ALK: variants seen among roughly 807,000 people sequenced by gnomAD.
ALK encodes the protein ALK receptor tyrosine kinase, also known as ALK tyrosine kinase receptor.
ALK carries 74 observed loss-of-function variants against 163.1 expected under a neutral mutation model. That is an observed-to-expected ratio of 0.45 (90% CI 0.38 to 0.55). The LOEUF (loss-of-function observed/expected upper bound fraction) is 0.55. Among genes scored for constraint, ALK ranks in the 20% least tolerant of loss-of-function variants. ALK has a pLI of 0.00. For synonymous variants in ALK, 960 were observed against 843.2 expected, an observed-to-expected ratio of 1.14 and a Z score of -2.40; for missense variants, 2,063 against 2,105.3, an observed-to-expected ratio of 0.98 and a Z score of 0.39.
At chr2:29,684,503 G>A (rs557944789) in intron 3 of ALK, among the ~76,000 whole-genome samples, 34 of 152,286 alleles carry the variant, frequency 2.2e-4, no homozygotes, top group South Asian at 1.9e-3. Flanking sequence ...CTGTGTGGCC[G>A]GGATGGCTGG....
chr2:29,216,994 G>GGTGTGTGTGGTGTGTGCGTGA (rs1558619399), intron 23 of ALK, among the ~76,000 whole-genome samples: 3 of 144,496 alleles, frequency 2.1e-5, no homozygotes, highest in Non-Finnish European at 4.6e-5. Flanking sequence ...TGGCATGTGA[G>GGTGTGTGTGGTGTGTGCGTGA]GTGTGTGTGG....
At chr2:29,217,523 CAG>C (rs1491067328) in intron 23 of ALK, among the ~76,000 whole-genome samples, 2 of 152,090 alleles carry the variant, frequency 1.3e-5, no homozygotes, top group Non-Finnish European at 2.9e-5. Context: ...GTTTCCACAA[CAG>C]GCACGGCTGA....
chr2:29,640,769 A>G (rs1676679302), intron 3 of ALK, among the ~76,000 whole-genome samples: 1 of 152,110 alleles, frequency 6.6e-6, no homozygotes, highest in African/African-American at 2.4e-5. Flanking sequence ...ACATTAAGCA[A>G]GTAATTACTG....
chr2:29,306,122 A>T (rs1488804807), intron 8 of ALK, among the ~76,000 whole-genome samples: 1 of 152,184 alleles, frequency 6.6e-6, no homozygotes, highest in African/African-American at 2.4e-5. Flanking sequence ...GGCCTACTGG[A>T]TATGAAGTCA....
At chr2:29,573,850 G>A (rs1014097772) in intron 3 of ALK, among the ~76,000 whole-genome samples, 6 of 152,098 alleles carry the variant, frequency 3.9e-5, no homozygotes, top group African/African-American at 1.4e-4. Flanking sequence ...ATGCAATAAG[G>A]GAAAATGGAA....
At chr2:29,761,191 G>C (rs543031851) in intron 1 of ALK, among the ~76,000 whole-genome samples, 1 of 152,168 alleles carries the variant, frequency 6.6e-6, no homozygotes, top group African/African-American at 2.4e-5. Flanking sequence ...AGGGGGCTTT[G>C]TTGCATTAGA....
At chr2:29,537,146 T>C (rs1458286434) in intron 3 of ALK, among the ~76,000 whole-genome samples, 1 of 152,224 alleles carries the variant, frequency 6.6e-6, no homozygotes, top group Non-Finnish European at 1.5e-5. Context: ...AAGTGGCCTG[T>C]GGAGCAACTC....
At chr2:29,850,768 G>T (rs979565644) in intron 1 of ALK, among the ~76,000 whole-genome samples, 7 of 152,186 alleles carry the variant, frequency 4.6e-5, no homozygotes, top group Admixed American at 3.9e-4. Flanking sequence ...TGTTCCCCGG[G>T]AATACAGAGA....
At chr2:29,659,738 T>C (rs750131128) in intron 3 of ALK, among the ~76,000 whole-genome samples, 8 of 152,190 alleles carry the variant, frequency 5.3e-5, no homozygotes, top group Admixed American at 1.3e-4. Flanking sequence ...CAACAGATTG[T>C]CTTATTCTGT....
intron 1 of ALK, among the ~76,000 whole-genome samples, chr2:29,808,938 A>T (rs1044723582): frequency 6.6e-6 from 1 of 152,200 alleles, no homozygotes; most frequent in Non-Finnish European, 1.5e-5. Context: ...ACAGGCCTAC[A>T]TGATAAAGCC....
chr2:29,608,840 A>G (rs547495858), intron 3 of ALK, among the ~76,000 whole-genome samples: 64 of 152,322 alleles, frequency 4.2e-4, no homozygotes, highest in African/African-American at 1.5e-3. Flanking sequence ...TCTCCACAGT[A>G]TGACTGTTAA....
At chr2:29,322,369 A>T (rs1667085636) in intron 6 of ALK, among the ~76,000 whole-genome samples, 1 of 152,098 alleles carries the variant, frequency 6.6e-6, no homozygotes, top group South Asian at 2.1e-4. Flanking sequence ...CTGAAGAAAT[A>T]ATTTCCCCCT....
chr2:29,211,356 C>T (rs566547710), intron 24 of ALK, among the ~76,000 whole-genome samples: 1 of 129,560 alleles, frequency 7.7e-6, no homozygotes, highest in South Asian at 2.6e-4. Flanking sequence ...GCAAAGTAGA[C>T]CAGGAACAAT....
intron 1 of ALK, among the ~76,000 whole-genome samples, chr2:29,777,937 T>C (rs1349082658): frequency 6.6e-6 from 1 of 152,174 alleles, no homozygotes. Context: ...TTCTGAGCCA[T>C]CCCAATACAC....
intron 4 of ALK, among the ~76,000 whole-genome samples, chr2:29,404,350 T>C (rs940106869): frequency 6.6e-6 from 1 of 151,162 alleles, no homozygotes; most frequent in Non-Finnish European, 1.5e-5. Flanking sequence ...ACTTGCCTAG[T>C]TTCCTCTTAA....
intron 1 of ALK, among the ~76,000 whole-genome samples, chr2:29,893,323 T>G (rs1431895699): frequency 6.6e-6 from 1 of 152,316 alleles, no homozygotes; most frequent in East Asian, 1.9e-4. Flanking sequence ...TGAGTGACCC[T>G]GCTCCTTTTT....
At chr2:29,250,207 G>A (rs538784488) in intron 12 of ALK, among the ~76,000 whole-genome samples, 5 of 152,284 alleles carry the variant, frequency 3.3e-5, no homozygotes, top group South Asian at 2.1e-4. Context: ...GTGGAGCCAC[G>A]GGAGGCCCTG....
chr2:29,494,873 T>TGTGTGTGC (rs1553322583), intron 4 of ALK, among the ~76,000 whole-genome samples: 1 of 149,364 alleles, frequency 6.7e-6, no homozygotes, highest in Admixed American at 6.7e-5. Context: ...TGTGTGTGTG[T>TGTGTGTGC]GTGCATGCAT....
rs1413673953 is a variant in ALK, at chr2:29,214,079, G to C, written c.3648C>G (p.Ser1216Arg). The C allele has an allele frequency of 6.2e-7, 1 of 1,613,838 alleles. No homozygotes were observed. The highest frequency in any genetic ancestry group is 8.5e-7 in the Non-Finnish European group (1 of 1,179,792). ...SFLRETRPRP[S>R]QPSSLAMLDL... ...CCAGCATGGCCAGGGAGGAGGGCTG[G>C]CTCTGTGGGGAGACAGAAGCGGGCC... Residue 1216 changes from serine to arginine, a missense_variant and splice_region_variant, in exon 24 of 29, where the codon AGC becomes AGG. Coordinates refer to ENST00000389048, the MANE Select transcript of ALK (RefSeq NM_004304.5).
Sources: allele counts gnomAD v4.1 joint callset (sites outside exome capture counted in the v4.1 genomes callset), GRCh38; gene constraint gnomAD v4.1.1; transcripts MANE v1.5; gene names NCBI Gene and HGNC (gene_info 2026-07-23, HGNC 2026-07-21).